Variants in FBXL2 observed in about 807,000 individuals in gnomAD.
FBXL2 encodes F-box and leucine rich repeat protein 2.
Under a neutral mutation model 69.2 loss-of-function variants are expected in FBXL2, and 38 were observed. The observed-to-expected ratio is 0.55, with a 90% confidence interval of 0.42 to 0.72. The LOEUF (loss-of-function observed/expected upper bound fraction) is 0.72, where lower values mean the gene tolerates loss of function less well. Among genes scored for constraint, FBXL2 ranks in the 30% least tolerant of loss-of-function variants. The pLI is 0.00. For missense variants in FBXL2, 354 were observed against 520.3 expected (o/e 0.68, Z 3.11); for synonymous variants, 192 against 201.3 (o/e 0.95, Z 0.39).
intron 11 of FBXL2, 135 bp from the exon 12 acceptor site, chr3:33,377,968 G>C (rs1056479517): frequency 1.2e-5 from 10 of 820,818 alleles, no homozygotes; most frequent in African/African-American, 1.7e-5. Context: ...TTACTGGGTA[G>C]CTTTAGGAAG....
intron 12 of FBXL2, among the ~76,000 whole-genome samples, chr3:33,399,088 C>G (rs2044122580): frequency 6.6e-6 from 1 of 152,212 alleles, no homozygotes; most frequent in Non-Finnish European, 1.5e-5. Flanking sequence ...TGAGTGTGTG[C>G]ACACACAAGT....
chr3:33,315,861 T>C (rs532267138), intron 2 of FBXL2, among the ~76,000 whole-genome samples: 4 of 152,034 alleles, frequency 2.6e-5, no homozygotes, highest in Non-Finnish European at 5.9e-5. Context: ...TTGCATGGGA[T>C]TTGTGAAATT....
chr3:33,370,502 T>C (rs2042229021), intron 5 of FBXL2, among the ~76,000 whole-genome samples: 1 of 152,206 alleles, frequency 6.6e-6, no homozygotes, highest in Non-Finnish European at 1.5e-5. Context: ...CTCCTCTGTT[T>C]TCTTGCTTTT....
intron 2 of FBXL2, among the ~76,000 whole-genome samples, chr3:33,346,576 GTAAA>G (rs747399749): frequency 9.9e-4 from 150 of 151,948 alleles, no homozygotes; most frequent in Admixed American, 1.7e-3. Flanking sequence ...AAATAAATAA[GTAAA>G]TAAATAAGCT....
At chr3:33,368,533 A>G (rs1234944342) in intron 5 of FBXL2, among the ~76,000 whole-genome samples, 1 of 151,962 alleles carries the variant, frequency 6.6e-6, no homozygotes, top group African/African-American at 2.4e-5. Flanking sequence ...ATGTTTTTCC[A>G]TCATTTTATT....
rs1305485375 is a variant in FBXL2, at chr3:33,359,037, G to C, written c.120+16G>C. On this transcript the variant is annotated intron_variant, in intron 3 of 14. Transcript: ENST00000484457. ...GATTTCCAAGGTAGAGTATTCACCA[G>C]ATTTTTTAATCAATAAATATCAAGT... 6 of 1,488,838 alleles carry C rather than the reference G, an allele frequency of 4.0e-6. No individual in the cohort carries two copies. In the South Asian group the frequency reaches 8.4e-5, roughly 21 times the overall value. 92.2% of individuals were successfully genotyped at this position (1,488,838 alleles called of 1,614,324 possible).
chr3:33,306,627 A>C (rs933634464), intron 2 of FBXL2, among the ~76,000 whole-genome samples: 1 of 152,140 alleles, frequency 6.6e-6, no homozygotes, highest in Admixed American at 6.6e-5. Flanking sequence ...TTTGGCCTGT[A>C]GAAGTTCCCA....
chr3:33,295,207 C>G (rs2035621887), intron 1 of FBXL2, among the ~76,000 whole-genome samples: 1 of 152,138 alleles, frequency 6.6e-6, no homozygotes, highest in Non-Finnish European at 1.5e-5. Context: ...CTGTCTAATT[C>G]AAGAATTTTT....
intron 2 of FBXL2, among the ~76,000 whole-genome samples, chr3:33,303,380 A>C (rs927989736): frequency 6.6e-6 from 1 of 152,070 alleles, no homozygotes; most frequent in African/African-American, 2.4e-5. Flanking sequence ...ACTGTTATGT[A>C]CTGTTTTAAG....
intron 1 of FBXL2, among the ~76,000 whole-genome samples, chr3:33,294,662 G>A (rs1053185086): frequency 1.3e-5 from 2 of 151,952 alleles, no homozygotes; most frequent in African/African-American, 4.8e-5. Context: ...AACATAGGGA[G>A]ATCCTATCTC....
At chr3:33,283,385 C>G (rs1320742609) in intron 1 of FBXL2, among the ~76,000 whole-genome samples, 1 of 152,130 alleles carries the variant, frequency 6.6e-6, no homozygotes, top group Non-Finnish European at 1.5e-5. Flanking sequence ...ACCTTGCATC[C>G]CAGTGATGAA....
At chr3:33,310,441 C>T (rs1233558745) in intron 2 of FBXL2, among the ~76,000 whole-genome samples, 1 of 152,158 alleles carries the variant, frequency 6.6e-6, no homozygotes, top group Non-Finnish European at 1.5e-5. Context: ...GCGTGAGCCA[C>T]CATGCCCTGC....
At chr3:33,278,813 T>G (rs2033631889) in intron 1 of FBXL2, among the ~76,000 whole-genome samples, 1 of 152,232 alleles carries the variant, frequency 6.6e-6, no homozygotes. Flanking sequence ...TTTCAGAAAC[T>G]GAATTTTATG....
intron 13 of FBXL2, among the ~76,000 whole-genome samples, chr3:33,380,625 A>G (rs2042988143): frequency 6.6e-6 from 1 of 151,518 alleles, no homozygotes; most frequent in Admixed American, 6.6e-5. Flanking sequence ...CTACACAGGG[A>G]TAACTATCAC....
At chr3:33,412,581 CAA>C in the FBXL2 span, 34,213 of 486,774 alleles carry the variant, frequency 0.07, no homozygotes, top group East Asian at 0.1. Flanking sequence ...GGCTCTGTCT[CAA>C]AAAAAAAAAA....
chr3:33,311,313 A>G (rs1422420272), intron 2 of FBXL2, among the ~76,000 whole-genome samples: 1 of 152,142 alleles, frequency 6.6e-6, no homozygotes, highest in Non-Finnish European at 1.5e-5. Flanking sequence ...ATCTATTCCC[A>G]GACTTGGGAA....
At chr3:33,416,592 C>G in the FBXL2 span, among the ~76,000 whole-genome samples, 1 of 152,104 alleles carries the variant, frequency 6.6e-6, no homozygotes, top group Non-Finnish European at 1.5e-5. Flanking sequence ...TTACTCTACC[C>G]AATAACTGCT....
At chr3:33,310,929 C>T (rs946312242) in intron 2 of FBXL2, among the ~76,000 whole-genome samples, 1 of 152,014 alleles carries the variant, frequency 6.6e-6, no homozygotes, top group African/African-American at 2.4e-5. Context: ...TGCACACCAC[C>T]ACTCCTGGCT....
At chr3:33,392,254 G>A (rs777912235), downstream of FBXL2, 7 of 251,406 alleles carry the variant, frequency 2.8e-5, no homozygotes, top group Admixed American at 1.1e-4. Flanking sequence ...CCCAATAGGA[G>A]TTTCATGGAT....
Sources: allele counts gnomAD v4.1 joint callset (sites outside exome capture counted in the v4.1 genomes callset), GRCh38; gene constraint gnomAD v4.1.1; transcripts MANE v1.5; gene names NCBI Gene and HGNC (gene_info 2026-07-23, HGNC 2026-07-21).